Variants in PAX7 observed in about 807,000 individuals in gnomAD.
The protein encoded by PAX7 is paired box 7, also known as paired box protein Pax-7.
Under a neutral mutation model 50.7 loss-of-function variants are expected in PAX7, and 18 were observed. That is an observed-to-expected ratio of 0.36 (90% CI 0.25 to 0.53). The LOEUF (loss-of-function observed/expected upper bound fraction) is 0.53. Among genes scored for constraint, PAX7 ranks in the 20% least tolerant of loss-of-function variants. The pLI, the probability that PAX7 is intolerant of heterozygous loss-of-function variation, is 0.93. For synonymous variants in PAX7, 310 were observed against 290.4 expected (o/e 1.07, Z -0.69); for missense variants, 644 against 702.9 (o/e 0.92, Z 0.95).
intron 4 of PAX7, among the ~76,000 whole-genome samples, chr1:18,645,404 G>T (rs529918449): frequency 6.6e-6 from 1 of 152,344 alleles, no homozygotes; most frequent in East Asian, 1.9e-4. Context: ...GTGGGGCGGC[G>T]GGCGCGATAA....
intron 4 of PAX7, among the ~76,000 whole-genome samples, chr1:18,637,971 C>T (rs1368078483): frequency 6.6e-6 from 1 of 152,256 alleles, no homozygotes; most frequent in Non-Finnish European, 1.5e-5. Context: ...CCCTGGGACA[C>T]CTGCCGGGGG....
At chr1:18,678,150 G>A (rs955534416) in intron 4 of PAX7, among the ~76,000 whole-genome samples, 10 of 152,020 alleles carry the variant, frequency 6.6e-5, no homozygotes, top group African/African-American at 1.4e-4. Flanking sequence ...AGTGGCTCAC[G>A]CCTGTAATCC....
Position 18,678,467 on chromosome 1 carries a change from G to A in PAX7, c.587-13287G>A, listed in dbSNP as rs546597158. Among the ~76,000 whole-genome samples, 69 of 152,188 alleles carry A rather than the reference G, an allele frequency of 4.5e-4. 1 individual carries two copies. The South Asian group carries it at 0.014, about 30-fold the overall frequency. On this transcript the variant is annotated intron_variant, in intron 4 of 8. Transcript: ENST00000420770. ...AGCTGTTCTTAGTTACCCTGCCCTC[G>A]AGTAATGCCCGATATAAGAAAAAAT... is the stretch of plus-strand genomic sequence containing the variant.
At chr1:18,665,775 T>G (rs979668308) in intron 4 of PAX7, among the ~76,000 whole-genome samples, 1 of 151,098 alleles carries the variant, frequency 6.6e-6, no homozygotes, top group African/African-American at 2.4e-5. Context: ...GTTCAAGAGA[T>G]TCTCCTGCCT....
intron 4 of PAX7, among the ~76,000 whole-genome samples, chr1:18,679,997 G>A (rs1570161852): frequency 6.6e-6 from 1 of 152,312 alleles, no homozygotes; most frequent in East Asian, 1.9e-4. Flanking sequence ...TGAGTACCTG[G>A]AACTGTTCTT....
chr1:18,649,726 C>A (rs544234125), intron 4 of PAX7, among the ~76,000 whole-genome samples: 4 of 152,210 alleles, frequency 2.6e-5, no homozygotes, highest in African/African-American at 9.6e-5. Flanking sequence ...GGGGAACTGT[C>A]CTTTCAACAG....
intron 8 of PAX7, chr1:18,736,150 T>C (rs1183981616): frequency 1.6e-6 from 1 of 625,162 alleles, no homozygotes; most frequent in Non-Finnish European, 2.8e-6. Flanking sequence ...TTAACATTTC[T>C]AGTGGCCACA....
intron 4 of PAX7, among the ~76,000 whole-genome samples, chr1:18,682,726 C>G (rs1381829091): frequency 6.6e-6 from 1 of 152,204 alleles, no homozygotes; most frequent in Middle Eastern, 3.2e-3. Flanking sequence ...ATGGACTCCC[C>G]AGATGTGCTG....
At chr1:18,666,969 G>A (rs1467658165) in intron 4 of PAX7, among the ~76,000 whole-genome samples, 1 of 152,134 alleles carries the variant, frequency 6.6e-6, no homozygotes. Context: ...TGAGGGAGTG[G>A]GGGTCCTCTG....
At chr1:18,687,100 A>G (rs78272026) in intron 4 of PAX7, among the ~76,000 whole-genome samples, 9 of 151,888 alleles carry the variant, frequency 5.9e-5, no homozygotes, top group African/African-American at 2.2e-4. Context: ...CATGTTGCCC[A>G]GGGTGGTCTT....
At position 18,735,950 on chromosome 1, in the gene PAX7, A is replaced by T; in HGVS notation, c.1402+72A>T. 4.3e-6 allele frequency: 7 copies of T among 1,613,802 alleles called. No individual in the cohort carries two copies. Among genetic ancestry groups the T allele is most frequent in the Non-Finnish European group, 5.9e-6 (7 of 1,179,982 alleles). ...CACCCCCAGGGCCTCCTGCTTGTTTATGGAGAGCTACAAGGTGGTGTCAGG... is the reference window on the plus strand; with the variant it reads ...CACCCCCAGGGCCTCCTGCTTGTTTTTGGAGAGCTACAAGGTGGTGTCAGG... On this transcript the variant is annotated intron_variant, in intron 8 of 8. Coordinates refer to ENST00000420770, the MANE Select transcript of PAX7 (RefSeq NM_001135254.2). This position sits in a 1 kb window ranked among gnomAD's most constrained non-coding sequence, Gnocchi z 4.0.
intron 4 of PAX7, among the ~76,000 whole-genome samples, chr1:18,657,606 G>A (rs2088541024): frequency 6.6e-6 from 1 of 152,096 alleles, no homozygotes; most frequent in African/African-American, 2.4e-5. Flanking sequence ...CTGCCAGCAG[G>A]ACCCAGCTCC....
intron 7 of PAX7, among the ~76,000 whole-genome samples, chr1:18,703,636 A>C (rs2100328929): frequency 6.6e-6 from 1 of 152,334 alleles, no homozygotes; most frequent in Middle Eastern, 3.4e-3. Flanking sequence ...GTTAGAAGTC[A>C]CAGGACCTGC....
intron 4 of PAX7, among the ~76,000 whole-genome samples, chr1:18,672,507 G>C (rs184180450): frequency 2.0e-5 from 3 of 152,026 alleles, no homozygotes; most frequent in Non-Finnish European, 4.4e-5. Context: ...CAGGAAACAC[G>C]AGGTGCAGCA....
chr1:18,738,142 CTG>C (rs374135110), intron 8 of PAX7, among the ~76,000 whole-genome samples: 31 of 149,752 alleles, frequency 2.1e-4, no homozygotes, highest in Middle Eastern at 3.4e-3. Context: ...GTGTGTATAA[CTG>C]TGTGTGTGTG....
chr1:18,632,225 A>G lies in PAX7; in HGVS notation c.85+537A>G, dbSNP rs1350227864. Among the ~76,000 whole-genome samples the G allele has an allele frequency of 2.6e-5, 4 of 152,202 alleles. No individual in the cohort carries two copies. The highest frequency in any genetic ancestry group is 5.9e-5 in the Non-Finnish European group (4 of 68,028). ...CAAACACTCCTGCTTTTCCGCCTGG[A>G]AACAAACTAATTGGAAATAATAATT... On this transcript the variant is annotated intron_variant, in intron 1 of 8. Coordinates refer to ENST00000420770, the MANE Select transcript of PAX7 (RefSeq NM_001135254.2). The surrounding 1 kb of genome is among the most constrained non-coding windows in gnomAD (Gnocchi z 6.3).
At chr1:18,684,379 T>C (rs1033456245) in intron 4 of PAX7, among the ~76,000 whole-genome samples, 1 of 152,206 alleles carries the variant, frequency 6.6e-6, no homozygotes, top group Non-Finnish European at 1.5e-5. Flanking sequence ...AGGTGGACTG[T>C]AATGGGACGC....
At chr1:18,685,637 G>C (rs931775369) in intron 4 of PAX7, among the ~76,000 whole-genome samples, 1 of 152,228 alleles carries the variant, frequency 6.6e-6, no homozygotes, top group Non-Finnish European at 1.5e-5. Flanking sequence ...GTTCAAAGGC[G>C]TCAAAGCAAG....
intron 5 of PAX7, among the ~76,000 whole-genome samples, chr1:18,694,825 G>T (rs1304029605): frequency 6.6e-6 from 1 of 152,222 alleles, no homozygotes; most frequent in Non-Finnish European, 1.5e-5. Flanking sequence ...AATCAGGGAT[G>T]CTTTGTGAGG....
Sources: allele counts gnomAD v4.1 joint callset (sites outside exome capture counted in the v4.1 genomes callset), GRCh38; gene constraint gnomAD v4.1.1; non-coding constraint Gnocchi (gnomAD v3.1); transcripts MANE v1.5; gene names NCBI Gene and HGNC (gene_info 2026-07-23, HGNC 2026-07-21).